The following MYT1L variants were observed in gnomAD, a reference collection of about 807,000 sequenced individuals.
MYT1L encodes myelin transcription factor 1-like protein.
In MYT1L, 12 loss-of-function variants were observed where a neutral mutation model predicts 126.7. The observed-to-expected ratio is 0.09, with a 90% confidence interval of 0.06 to 0.15. The LOEUF (loss-of-function observed/expected upper bound fraction) is 0.15. Ranked by LOEUF, MYT1L falls within the 10% of genes least tolerant of loss-of-function variation. The pLI, the probability that MYT1L is intolerant of heterozygous loss-of-function variation, is 1.00. For missense variants in MYT1L, 979 were observed against 1,585.2 expected, an observed-to-expected ratio of 0.62 and a Z score of 6.49; for synonymous variants, 541 against 604.2, an observed-to-expected ratio of 0.90 and a Z score of 1.53.
chr2:1,830,058 T>C (rs1192652401), intron 21 of MYT1L, among the ~76,000 whole-genome samples: 2 of 152,128 alleles, frequency 1.3e-5, no homozygotes, highest in East Asian at 1.9e-4. Context: ...CGCACAGACA[T>C]TGCAATGGAG....
At chr2:1,956,223 A>ATCTATCTG (rs1202810533) in intron 8 of MYT1L, among the ~76,000 whole-genome samples, 3 of 132,506 alleles carry the variant, frequency 2.3e-5, no homozygotes, top group African/African-American at 8.2e-5. Flanking sequence ...CTATCTATCT[A>ATCTATCTG]TCTGTCTATC....
chr2:1,863,731 G>A (rs778294176), intron 18 of MYT1L, among the ~76,000 whole-genome samples: 8 of 132,086 alleles, frequency 6.1e-5, no homozygotes, highest in South Asian at 2.7e-4. Context: ...TGTCACTTGA[G>A]AAACAAAAAA....
rs559672085 is a variant in MYT1L at position 2,044,957 on chromosome 2, T to G, written c.-158+9021A>C. 7.2e-5 allele frequency among the ~76,000 whole-genome samples: 11 copies of G among 152,294 alleles called. No homozygotes were observed. The South Asian group carries it at 2.1e-3, about 29-fold the overall frequency. ...GTTGCACTAATTGGATATCTGTGCT[T>G]GCAAGGATGATGGCACAAGTAGGAG... On this transcript the variant is annotated intron_variant, in intron 4 of 24. Transcript: ENST00000647738.
At chr2:1,998,262 G>A (rs145930820) in intron 4 of MYT1L, among the ~76,000 whole-genome samples, 301 of 152,286 alleles carry the variant, frequency 2.0e-3, no homozygotes, top group African/African-American at 7.1e-3. Context: ...AACCTCAACA[G>A]GTCAAGTGAG....
At position 1,889,242 on chromosome 2, in the gene MYT1L, G is replaced by A. The variant is rs778010563; in HGVS notation, c.2519C>T (p.Thr840Ile). ...RIDEDESKDI[T>I]PEDLDPFQEA... The stretch of plus-strand genomic sequence containing the variant: ...ACAGGCTCAATGAAAAGGACATACA[G>A]TAATGTCTTTGGACTCGTCCTCGTC... The change falls in exon 16 of 25, where the codon ACT (threonine) becomes ATT (isoleucine). Residue 840 changes from threonine to isoleucine, a missense_variant and splice_region_variant. Thr to Ile is a moderately conservative substitution (Grantham distance 89). Around this residue, in one of 12 missense-constraint regions of MYT1L, gnomAD observed 141 missense variants for 170.6 expected, o/e 0.83. Transcript: ENST00000647738. This position sits in a 1 kb window ranked among gnomAD's most constrained non-coding sequence, Gnocchi z 4.1. The A allele has an allele frequency of 4.3e-6, 7 of 1,612,978 alleles. No homozygotes were observed. The highest frequency in any genetic ancestry group is 5.1e-6 in the Non-Finnish European group (6 of 1,179,088).
At chr2:2,212,084 CAT>C (rs1173879443) in intron 2 of MYT1L, among the ~76,000 whole-genome samples, 1 of 152,138 alleles carries the variant, frequency 6.6e-6, no homozygotes, top group African/African-American at 2.4e-5. Flanking sequence ...CATCTAGACA[CAT>C]GACTGATGCT....
intron 1 of MYT1L, among the ~76,000 whole-genome samples, chr2:2,315,767 T>C (rs2096056051): frequency 1.3e-5 from 2 of 152,376 alleles, no homozygotes; most frequent in South Asian, 4.1e-4. Context: ...CATCTCACTC[T>C]AAGTAAGAAT....
chr2:2,240,397 T>A (rs540159433), intron 2 of MYT1L, among the ~76,000 whole-genome samples: 38 of 151,622 alleles, frequency 2.5e-4, no homozygotes, highest in East Asian at 7.7e-4. Flanking sequence ...GACTCATTTT[T>A]AAAAAAAAAG....
chr2:1,909,396 T>C (rs1558360286), intron 13 of MYT1L, among the ~76,000 whole-genome samples: 3 of 152,148 alleles, frequency 2.0e-5, no homozygotes, highest in Admixed American at 2.0e-4. Flanking sequence ...ATCTGAACAG[T>C]AGAATATACG....
chr2:2,210,138 A>G lies in MYT1L; in HGVS notation c.-420-37150T>C, dbSNP rs1056993204. On this transcript the variant is annotated intron_variant, in intron 2 of 24. Transcript: ENST00000647738. ...GATCTTTTGTCCATTTTTAATTGAC[A>G]TTTTAGATTATTTTCTATAGATTTG... 1.3e-5 allele frequency among the ~76,000 whole-genome samples: 2 copies of G among 152,074 alleles called. 1 individual carries two copies. Among genetic ancestry groups the G allele is most frequent in the Non-Finnish European group, 2.9e-5 (2 of 67,994 alleles).
At chr2:2,066,376 C>G (rs1394074071) in intron 3 of MYT1L, among the ~76,000 whole-genome samples, 2 of 152,222 alleles carry the variant, frequency 1.3e-5, no homozygotes, top group East Asian at 3.8e-4. Flanking sequence ...TTCAGGAACA[C>G]AGACCCTCAA....
chr2:2,009,078 A>G lies in MYT1L; in HGVS notation c.-157-11731T>C, dbSNP rs559170312. Among the ~76,000 whole-genome samples the G allele has an allele frequency of 1.3e-4, 19 of 150,728 alleles. No individual in the cohort carries two copies. In the South Asian group the frequency reaches 1.5e-3, roughly 12 times the overall value. On this transcript the variant is annotated intron_variant, in intron 4 of 24. Coordinates refer to ENST00000647738, the MANE Select transcript of MYT1L (RefSeq NM_001303052.2). ...TATGCCAGTATCATACTGCTTTAAT[A>G]TCTATAGCTTTGTAATATAATTTTA...
At chr2:2,222,756 T>G (rs932453377) in intron 2 of MYT1L, among the ~76,000 whole-genome samples, 1 of 152,132 alleles carries the variant, frequency 6.6e-6, no homozygotes, top group Admixed American at 6.5e-5. Flanking sequence ...AACTGTAGGA[T>G]ATCTACTTGT....
intron 21 of MYT1L, among the ~76,000 whole-genome samples, chr2:1,838,775 C>T (rs1459517617): frequency 6.6e-6 from 1 of 152,190 alleles, no homozygotes. Flanking sequence ...GTGCCAAATG[C>T]CATCCTCTTT....
intron 4 of MYT1L, among the ~76,000 whole-genome samples, chr2:2,005,784 G>C (rs564589559): frequency 8.8e-6 from 1 of 113,100 alleles, no homozygotes; most frequent in African/African-American, 3.7e-5. Flanking sequence ...TCTTTCCTGT[G>C]TGCGTTCTTT....
At chr2:2,198,331 C>G (rs11676685) in intron 2 of MYT1L, among the ~76,000 whole-genome samples, 26,340 of 151,868 alleles carry the variant, frequency 0.17, 2,462 homozygotes, top group African/African-American at 0.26. Context: ...GCAAGAGGAC[C>G]GAGCTCTGGT....
intron 1 of MYT1L, among the ~76,000 whole-genome samples, chr2:2,290,890 A>G (rs1261149439): frequency 6.6e-6 from 1 of 152,152 alleles, no homozygotes; most frequent in Non-Finnish European, 1.5e-5. Context: ...GCAAAAGAAA[A>G]TCCAGATTTG....
At chr2:2,288,390 G>C (rs1249652839) in intron 1 of MYT1L, among the ~76,000 whole-genome samples, 1 of 152,210 alleles carries the variant, frequency 6.6e-6, no homozygotes, top group Non-Finnish European at 1.5e-5. Context: ...TGCCTAGACA[G>C]AGCAAAGTAT....
chr2:2,251,911 A>AAAAG (rs576040141), intron 2 of MYT1L, among the ~76,000 whole-genome samples: 72 of 151,966 alleles, frequency 4.7e-4, no homozygotes, highest in African/African-American at 1.5e-3. Flanking sequence ...AAAGAAAAGA[A>AAAAG]AAAGAAAGAA....
Sources: gnomAD v4.1 joint callset for allele counts (sites outside exome capture counted in the v4.1 genomes callset) on GRCh38, gnomAD v4.1.1 for gene constraint, gnomAD v4.1.1 regional missense constraint, Gnocchi (gnomAD v3.1) non-coding constraint, MANE v1.5 for transcripts, NCBI Gene and HGNC (gene_info 2026-07-23, HGNC 2026-07-21) for gene names.